LAMA3: variants seen among roughly 807,000 people sequenced by gnomAD.
LAMA3 encodes laminin subunit alpha 3.
Under a neutral mutation model 402.0 loss-of-function variants are expected in LAMA3, and 281 were observed. The observed-to-expected ratio is 0.70, with a 90% CI of 0.63 to 0.77. The LOEUF is 0.77. Ranked by LOEUF, LAMA3 falls within the 30% of genes least tolerant of loss-of-function variation. LAMA3 has a pLI of 0.00. For missense variants in LAMA3, 3,840 were observed against 4,215.5 expected (o/e 0.91, Z 2.47); for synonymous variants, 1,431 against 1,558.4 (o/e 0.92, Z 1.93).
intron 38 of LAMA3, chr18:23,872,797 A>G (rs2064566528): frequency 1.9e-6 from 1 of 527,340 alleles, no homozygotes; most frequent in Non-Finnish European, 3.5e-6. Flanking sequence ...GGGCGTCTGC[A>G]GGGTGAGGTG....
Position 23,784,176 on chromosome 18 carries a change from G to C in LAMA3, c.1603+19G>C, listed in dbSNP as rs770793475. The C allele has an allele frequency of 1.2e-6, 2 of 1,613,904 alleles. No individual in the cohort carries two copies. The highest frequency in any genetic ancestry group is 1.1e-5 in the South Asian group (1 of 91,070). On this transcript the variant is annotated intron_variant, in intron 12 of 74. Transcript: ENST00000313654. ...TGCCAAGGTAAGTGGGCAGAACATA[G>C]CATATTCATAATCAATCCCTCAAGA...
chr18:23,689,803 G>A lies in LAMA3; in HGVS notation c.120G>A (p.Gly40=), dbSNP rs759796914. The change falls in exon 1 of 75, where the codon GGG becomes GGA. Residue 40 remains glycine (G), a synonymous_variant. Coordinates refer to ENST00000313654, the MANE Select transcript of LAMA3 (RefSeq NM_198129.4). ...GCGGGGCGACCGCTCGGGATCCCGG[G>A]GCCGCGGCCGGGCTCAGCCTTCACC... is the stretch of plus-strand genomic sequence containing the variant. ...PACGATARDP[G]AAAGLSLHPT... is the part of the protein sequence containing the mutation. 6.4e-5 allele frequency: 99 copies of A among 1,537,132 alleles called. No individual in the cohort carries two copies. The highest frequency in any genetic ancestry group is 1.7e-4 in the Middle Eastern group (1 of 5,920).
chr18:23,697,823 G>C (rs1012716278), intron 1 of LAMA3, among the ~76,000 whole-genome samples: 1 of 151,616 alleles, frequency 6.6e-6, no homozygotes, highest in Non-Finnish European at 1.5e-5. Flanking sequence ...CAGCGAGGGT[G>C]GCTTAAATAG....
chr18:23,950,298 A>G (rs2082863756), intron 72 of LAMA3, 139 bp downstream of exon 72: 1 of 913,174 alleles, frequency 1.1e-6, no homozygotes, highest in Non-Finnish European at 1.7e-6. Flanking sequence ...CTAACTTACC[A>G]TTTTCCTTTA....
chr18:23,891,722 GT>G (rs2080672968), intron 42 of LAMA3, among the ~76,000 whole-genome samples: 1 of 152,212 alleles, frequency 6.6e-6, no homozygotes, highest in Non-Finnish European at 1.5e-5. Flanking sequence ...AGCAGGAGGT[GT>G]AAAAAAGCTT....
At chr18:23,796,848 T>C (rs1358845837) in intron 12 of LAMA3, among the ~76,000 whole-genome samples, 5 of 152,232 alleles carry the variant, frequency 3.3e-5, no homozygotes, top group Admixed American at 1.3e-4. Flanking sequence ...CTCATTGATA[T>C]TTTTGGTAGA....
Position 23,899,318 on chromosome 18 carries a change from G to A in LAMA3, c.5867G>A (p.Gly1956Glu). The A allele has an allele frequency of 6.2e-7, 1 of 1,613,972 alleles. No homozygotes were observed. Among genetic ancestry groups the A allele is most frequent in the South Asian group, 1.1e-5 (1 of 91,074 alleles). ...ILLKQISGTD[G>E]EGNNVPSGDF... ...TTAAAGCAGATCTCTGGGACAGATG[G>A]AGAGGGAAACAACGTGCCTTCAGGT... Residue 1956 changes from glycine to glutamate, a missense_variant, in exon 47 of 75, where the codon GGA (glycine) becomes GAA (glutamate). This residue lies in a region of LAMA3 where 891 missense variants were observed against 857.5 expected (regional missense o/e 1.04). Coordinates refer to ENST00000313654, the MANE Select transcript of LAMA3 (RefSeq NM_198129.4).
At chr18:23,712,590 C>CCA (rs1478558831) in intron 1 of LAMA3, among the ~76,000 whole-genome samples, 1 of 149,532 alleles carries the variant, frequency 6.7e-6, no homozygotes, top group African/African-American at 2.5e-5. Flanking sequence ...CCACATACAC[C>CCA]CAAGGCACTG....
intron 49 of LAMA3, 78 bp from the exon 50 acceptor site, chr18:23,903,855 T>G (rs2145147178): frequency 8.5e-7 from 1 of 1,179,690 alleles, no homozygotes; most frequent in Non-Finnish European, 1.3e-6. Context: ...AACACATCAG[T>G]TATGATAGAG....
chr18:23,748,017 T>G lies in LAMA3; in HGVS notation c.522T>G (p.Ser174=), dbSNP rs769557345. 1 of 1,613,594 alleles carries G rather than the reference T, an allele frequency of 6.2e-7. No homozygotes were observed. The highest frequency in any genetic ancestry group is 8.5e-7 in the Non-Finnish European group (1 of 1,179,448). ...PRPDLWVLER[S]VDFGSTYSPW... is the part of the protein sequence containing the mutation. ...CTGATCTTTGGGTCTTGGAAAGATC[T>G]GTAGACTTTGGAAGCACCTACTCAC... Residue 174 remains serine, a synonymous_variant, in exon 3 of 75, where the codon TCT becomes TCG. Transcript: ENST00000313654.
At chr18:23,777,330 A>C (rs1469574822) in intron 10 of LAMA3, among the ~76,000 whole-genome samples, 4 of 152,138 alleles carry the variant, frequency 2.6e-5, no homozygotes, top group Non-Finnish European at 4.4e-5. Context: ...TGTGAGCACG[A>C]AACATTCATT....
chr18:23,743,776 A>T (rs182687847), intron 2 of LAMA3, among the ~76,000 whole-genome samples: 1 of 152,362 alleles, frequency 6.6e-6, no homozygotes, highest in African/African-American at 2.4e-5. Flanking sequence ...TTACAAAAGC[A>T]CGTGGAGAGA....
At chr18:23,916,219 AG>A (rs1171675661) in intron 59 of LAMA3, among the ~76,000 whole-genome samples, 1 of 152,136 alleles carries the variant, frequency 6.6e-6, no homozygotes, top group Non-Finnish European at 1.5e-5. Context: ...TTTATTATTC[AG>A]AATAAAATTA....
intron 3 of LAMA3, 50 bp from the exon 4 acceptor site, chr18:23,749,377 CA>C (rs758074028): frequency 3.1e-5 from 30 of 965,244 alleles, no homozygotes; most frequent in Non-Finnish European, 4.4e-5. Context: ...AAGAGATTTG[CA>C]ACAAAATGAT....
chr18:23,805,888 C>G (rs938705125), intron 12 of LAMA3, among the ~76,000 whole-genome samples: 2 of 152,192 alleles, frequency 1.3e-5, no homozygotes, highest in African/African-American at 4.8e-5. Flanking sequence ...AGTACCTACT[C>G]TCCCCTTCAT....
intron 12 of LAMA3, among the ~76,000 whole-genome samples, chr18:23,802,895 G>A (rs2062891325): frequency 6.6e-6 from 1 of 152,162 alleles, no homozygotes; most frequent in Non-Finnish European, 1.5e-5. Context: ...CCACCTAGTA[G>A]TTTTCACCTA....
chr18:23,827,420 C>T lies in LAMA3; in HGVS notation c.2776C>T (p.Gln926Ter). The T allele has an allele frequency of 1.9e-6, 3 of 1,614,172 alleles. No individual in the cohort carries two copies. The highest frequency in any genetic ancestry group is 1.7e-6 in the Non-Finnish European group (2 of 1,180,028). ...GGAGCCAAGACCCGTGGCAGTGAGG[C>T]AGCCCACACCTGCACACCCTGTCAT... is the stretch of plus-strand genomic sequence containing the variant. ...DGEPRPVAVR[Q>*]PTPAHPVMVD... Residue 926 changes from glutamine (Q) to a stop codon, truncating the protein, a stop_gained, in exon 23 of 75, where the codon CAG becomes TAG. Transcript: ENST00000313654. LOFTEE classifies it high-confidence loss of function.
At chr18:23,948,384 C>T (rs2082783324) in intron 70 of LAMA3, among the ~76,000 whole-genome samples, 1 of 152,176 alleles carries the variant, frequency 6.6e-6, no homozygotes, top group Non-Finnish European at 1.5e-5. Context: ...ACCGGCACTG[C>T]AGTCAGCCCT....
intron 67 of LAMA3, among the ~76,000 whole-genome samples, chr18:23,937,209 T>C (rs1732892848): frequency 6.6e-6 from 1 of 151,546 alleles, no homozygotes; most frequent in Non-Finnish European, 1.5e-5. Flanking sequence ...CTACTTAAAA[T>C]ACAAAAATTA....
Sources: gnomAD v4.1 joint callset for allele counts (sites outside exome capture counted in the v4.1 genomes callset) on GRCh38, gnomAD v4.1.1 for gene constraint, gnomAD v4.1.1 regional missense constraint, MANE v1.5 for transcripts, NCBI Gene and HGNC (gene_info 2026-07-23, HGNC 2026-07-21) for gene names.